PREP: variants seen among roughly 807,000 people sequenced by gnomAD.
PREP encodes the protein dJ355L5.1 (prolyl endopeptidase).
In PREP, 29 loss-of-function variants were observed where a neutral mutation model predicts 87.6. The observed-to-expected ratio is 0.33, with a 90% CI of 0.25 to 0.45. PREP has a LOEUF of 0.45. Ranked by LOEUF, PREP falls within the 20% of genes least tolerant of loss-of-function variation. PREP has a pLI of 1.00. For missense variants in PREP, 695 were observed against 886.5 expected, an observed-to-expected ratio of 0.78 and a Z score of 2.74; for synonymous variants, 337 against 328.6, an observed-to-expected ratio of 1.03 and a Z score of -0.28.
chr6:105,285,150 CAG>C (rs1770164090), intron 12 of PREP, among the ~76,000 whole-genome samples: 1 of 152,104 alleles, frequency 6.6e-6, no homozygotes, highest in South Asian at 2.1e-4. Context: ...TAACAAGAGA[CAG>C]AATAAATACC....
At chr6:105,341,952 G>A (rs1398062687) in intron 7 of PREP, among the ~76,000 whole-genome samples, 2 of 152,140 alleles carry the variant, frequency 1.3e-5, no homozygotes, top group African/African-American at 4.8e-5. Context: ...TTCTACCAGA[G>A]GTACAAAGAG....
chr6:105,294,064 C>T (rs1770357566), intron 10 of PREP, among the ~76,000 whole-genome samples: 1 of 152,302 alleles, frequency 6.6e-6, no homozygotes, highest in African/African-American at 2.4e-5. Flanking sequence ...GGAGAAGAAG[C>T]TAACAAACTC....
At chr6:105,400,581 C>T (rs1773401569) in intron 1 of PREP, among the ~76,000 whole-genome samples, 1 of 152,210 alleles carries the variant, frequency 6.6e-6, no homozygotes, top group Non-Finnish European at 1.5e-5. Flanking sequence ...ATGCCTCCCC[C>T]TCCTGATGGA....
chr6:105,338,753 C>T (rs1458048227), intron 7 of PREP, among the ~76,000 whole-genome samples: 9 of 152,368 alleles, frequency 5.9e-5, no homozygotes, highest in African/African-American at 1.9e-4. Flanking sequence ...CCGCCCCTGG[C>T]TCGGAGGGTC....
At chr6:105,279,796 ACTTT>A (rs1280983489) in intron 14 of PREP, among the ~76,000 whole-genome samples, 20 of 152,148 alleles carry the variant, frequency 1.3e-4, no homozygotes, top group African/African-American at 3.6e-4. Flanking sequence ...AATATTTAGA[ACTTT>A]CTTTGTTTTT....
chr6:105,343,773 C>T (rs999226836), intron 7 of PREP, among the ~76,000 whole-genome samples: 6 of 152,170 alleles, frequency 3.9e-5, no homozygotes, highest in Non-Finnish European at 5.9e-5. Flanking sequence ...TGAAAAAATG[C>T]TCATCATCAC....
At chr6:105,355,182 T>C (rs1441009087) in intron 6 of PREP, among the ~76,000 whole-genome samples, 2 of 149,322 alleles carry the variant, frequency 1.3e-5, no homozygotes, top group Non-Finnish European at 3.0e-5. Context: ...GCCTCCTGGG[T>C]TCCAGCAATT....
chr6:105,349,287 GAAC>G (rs1203506657), intron 7 of PREP, among the ~76,000 whole-genome samples: 2 of 152,160 alleles, frequency 1.3e-5, no homozygotes, highest in African/African-American at 4.8e-5. Context: ...GAGAGGCAGA[GAAC>G]AACAGAGACA....
At chr6:105,291,269 G>A (rs1770292112) in intron 10 of PREP, among the ~76,000 whole-genome samples, 1 of 152,200 alleles carries the variant, frequency 6.6e-6, no homozygotes, top group Admixed American at 6.5e-5. Flanking sequence ...CTTAAATGAA[G>A]ATACCAATGA....
chr6:105,308,200 A>G lies in PREP; in HGVS notation c.1317+15465T>C, dbSNP rs115247747. On this transcript the variant is annotated intron_variant, in intron 10 of 14. Transcript: ENST00000652536. ...ATTTTTTAAAAAGATGATGTTAAAA[A>G]AGCCAAAAGCCACTAAAAGAATGAA... Among the ~76,000 whole-genome samples the G allele has an allele frequency of 9.2e-3, 1,400 of 152,338 alleles. 24 individuals carry two copies. Among genetic ancestry groups the G allele is most frequent in the African/African-American group, 0.032 (1,335 of 41,576 alleles).
intron 10 of PREP, among the ~76,000 whole-genome samples, chr6:105,296,307 A>G (rs1770410308): frequency 1.3e-5 from 2 of 152,160 alleles, no homozygotes; most frequent in African/African-American, 2.4e-5. Flanking sequence ...TTCTGATTAC[A>G]GAAATTTATC....
chr6:105,388,711 C>T (rs540832646), intron 2 of PREP, among the ~76,000 whole-genome samples: 30 of 152,300 alleles, frequency 2.0e-4, no homozygotes, highest in African/African-American at 6.7e-4. Flanking sequence ...GTCTTAGAGA[C>T]TGAGATAATA....
chr6:105,320,077 T>C (rs547602163), intron 10 of PREP, among the ~76,000 whole-genome samples: 1 of 152,382 alleles, frequency 6.6e-6, no homozygotes, highest in African/African-American at 2.4e-5. Flanking sequence ...GTAAATTCAC[T>C]TACCACCAAA....
intron 10 of PREP, among the ~76,000 whole-genome samples, chr6:105,304,147 T>TA (rs1320433751): frequency 6.6e-6 from 1 of 152,112 alleles, no homozygotes; most frequent in South Asian, 2.1e-4. Context: ...AATACAACAA[T>TA]AAAAAATTTA....
intron 6 of PREP, among the ~76,000 whole-genome samples, chr6:105,358,711 T>C (rs1348483798): frequency 6.6e-6 from 1 of 152,186 alleles, no homozygotes; most frequent in African/African-American, 2.4e-5. Context: ...TCTTCCCCCT[T>C]GCCTTGGCTA....
intron 10 of PREP, among the ~76,000 whole-genome samples, chr6:105,320,593 A>T (rs1481721753): frequency 6.6e-6 from 1 of 152,204 alleles, no homozygotes; most frequent in African/African-American, 2.4e-5. Flanking sequence ...CCATTAAAAG[A>T]GGTTCTTGGT....
chr6:105,282,992 C>CGAGCCG (rs1770114942), intron 12 of PREP, among the ~76,000 whole-genome samples: 1 of 152,210 alleles, frequency 6.6e-6, no homozygotes, highest in Non-Finnish European at 1.5e-5. Flanking sequence ...ACCCAGCACC[C>CGAGCCG]GAGCCGGAGC....
chr6:105,382,266 TCTC>T (rs1772862402), intron 2 of PREP, among the ~76,000 whole-genome samples: 2 of 120,650 alleles, frequency 1.7e-5, no homozygotes, highest in African/African-American at 6.4e-5. Context: ...TTTTAAGCGT[TCTC>T]AACACACACA....
At chr6:105,382,831 A>C (rs1772883994) in intron 2 of PREP, among the ~76,000 whole-genome samples, 1 of 152,204 alleles carries the variant, frequency 6.6e-6, no homozygotes, top group Admixed American at 6.5e-5. Flanking sequence ...AATACCAATG[A>C]AAACTAAGAG....
Sources: gnomAD v4.1 joint callset for allele counts (sites outside exome capture counted in the v4.1 genomes callset) on GRCh38, gnomAD v4.1.1 for gene constraint, MANE v1.5 for transcripts, NCBI Gene and HGNC (gene_info 2026-07-23, HGNC 2026-07-21) for gene names.